FHIT: variants seen among roughly 807,000 people sequenced by gnomAD.
FHIT encodes fragile histidine triad diadenosine triphosphatase, also known as bis(5'-adenosyl)-triphosphatase.
In FHIT, 19 loss-of-function variants were observed where a neutral mutation model predicts 17.9. That is an observed-to-expected ratio of 1.06 (90% CI 0.74 to 1.56). The LOEUF is 1.56. FHIT is among the 40% of genes most tolerant of loss of function. The pLI, the probability that FHIT is intolerant of heterozygous loss-of-function variation, is 0.00. For missense variants in FHIT, 248 were observed against 189.2 expected, an observed-to-expected ratio of 1.31 and a Z score of -1.82; for synonymous variants, 81 against 69.7, an observed-to-expected ratio of 1.16 and a Z score of -0.81.
intron 5 of FHIT, among the ~76,000 whole-genome samples, chr3:60,200,021 C>T (rs139522004): frequency 1.3e-5 from 2 of 152,250 alleles, no homozygotes; most frequent in East Asian, 3.9e-4. Flanking sequence ...AAGGCCTTTA[C>T]TAACCCACTG....
intron 5 of FHIT, among the ~76,000 whole-genome samples, chr3:60,469,509 T>C (rs2032973513): frequency 6.6e-6 from 1 of 152,188 alleles, no homozygotes; most frequent in South Asian, 2.1e-4. Flanking sequence ...TCTTTATATC[T>C]CCCTCTCTTC....
intron 5 of FHIT, among the ~76,000 whole-genome samples, chr3:60,179,443 C>T (rs559558466): frequency 1.1e-4 from 16 of 152,274 alleles, no homozygotes; most frequent in African/African-American, 2.9e-4. Flanking sequence ...CCTTCTGTTT[C>T]CAGTTGTCTG....
chr3:61,085,892 A>G (rs1020828531), intron 2 of FHIT, among the ~76,000 whole-genome samples: 3 of 151,964 alleles, frequency 2.0e-5, no homozygotes, highest in African/African-American at 7.2e-5. Context: ...AACCCTTTTT[A>G]TATGTTGCTG....
intron 3 of FHIT, among the ~76,000 whole-genome samples, chr3:60,989,463 G>A (rs148729182): frequency 2.4e-4 from 36 of 152,108 alleles, no homozygotes; most frequent in Admixed American, 1.4e-3. Flanking sequence ...TTAAGCTCTT[G>A]CTACATATAA....
intron 8 of FHIT, among the ~76,000 whole-genome samples, chr3:59,857,704 G>GGTTTTTTT (rs1425389753): frequency 3.1e-5 from 2 of 65,260 alleles, no homozygotes; most frequent in Non-Finnish European, 5.7e-5. Context: ...CAAAGTGCTG[G>GGTTTTTTT]GTTTTTTTTT....
chr3:60,042,934 G>T (rs139476491), intron 5 of FHIT, among the ~76,000 whole-genome samples: 2 of 152,128 alleles, frequency 1.3e-5, no homozygotes, highest in African/African-American at 2.4e-5. Flanking sequence ...CTGGCTGTTT[G>T]TTACCTTGAT....
At chr3:60,964,427 T>C (rs1553782369) in intron 3 of FHIT, among the ~76,000 whole-genome samples, 1 of 152,206 alleles carries the variant, frequency 6.6e-6, no homozygotes. Flanking sequence ...ATTTAGTCCA[T>C]TTACATTTAA....
intron 7 of FHIT, among the ~76,000 whole-genome samples, chr3:59,928,011 C>A (rs1490455291): frequency 6.6e-6 from 1 of 152,122 alleles, no homozygotes; most frequent in Admixed American, 6.5e-5. Context: ...TAATTCAATT[C>A]TAAGGGATAG....
intron 3 of FHIT, among the ~76,000 whole-genome samples, chr3:60,902,378 GTTTA>G (rs1281340479): frequency 1.3e-5 from 2 of 152,134 alleles, no homozygotes; most frequent in African/African-American, 2.4e-5. Flanking sequence ...ATATACCACA[GTTTA>G]TTTATCCATG....
At chr3:59,957,967 C>A (rs1350657402) in intron 7 of FHIT, among the ~76,000 whole-genome samples, 1 of 152,190 alleles carries the variant, frequency 6.6e-6, no homozygotes, top group Non-Finnish European at 1.5e-5. Flanking sequence ...ATCAACATGT[C>A]CTTGAACACG....
At chr3:60,576,724 T>G (rs1401420991) in intron 4 of FHIT, among the ~76,000 whole-genome samples, 2 of 152,090 alleles carry the variant, frequency 1.3e-5, no homozygotes, top group African/African-American at 4.8e-5. Context: ...CCTGGCACAT[T>G]TCAGAAAGGT....
intron 5 of FHIT, among the ~76,000 whole-genome samples, chr3:60,075,257 G>A (rs566230207): frequency 6.6e-6 from 1 of 152,056 alleles, no homozygotes; most frequent in Non-Finnish European, 1.5e-5. Context: ...AAAGTGGGGA[G>A]CTCCTTTAAA....
At chr3:59,750,649 T>C (rs940971735) in intron 9 of FHIT, 1 of 221,928 alleles carries the variant, frequency 4.5e-6, no homozygotes, top group Non-Finnish European at 9.0e-6. Flanking sequence ...AAATAAGCTT[T>C]CTAGAATGCA....
At chr3:59,750,200 T>A (rs900854685) in intron 9 of FHIT, 1 of 225,928 alleles carries the variant, frequency 4.4e-6, no homozygotes, top group African/African-American at 2.2e-5. Context: ...GGTAATAAGT[T>A]TGAATCTTCT....
chr3:61,115,056 C>G (rs2036260752), intron 2 of FHIT, among the ~76,000 whole-genome samples: 1 of 152,072 alleles, frequency 6.6e-6, no homozygotes. Flanking sequence ...CCCTTTCCAT[C>G]CGGAACAGAT....
intron 4 of FHIT, among the ~76,000 whole-genome samples, chr3:60,607,007 C>T (rs1329439550): frequency 1.3e-5 from 2 of 152,108 alleles, no homozygotes; most frequent in Non-Finnish European, 2.9e-5. Context: ...TGAGAGGCTG[C>T]TCATTCCATT....
At chr3:60,539,502 A>C (rs1257426777) in intron 4 of FHIT, among the ~76,000 whole-genome samples, 1 of 152,240 alleles carries the variant, frequency 6.6e-6, no homozygotes, top group African/African-American at 2.4e-5. Context: ...ACATATGTTT[A>C]TTGCGGCACT....
chr3:60,226,472 C>CCAAAAAAAAAA, intron 5 of FHIT, among the ~76,000 whole-genome samples: 1 of 70,148 alleles, frequency 1.4e-5, no homozygotes, highest in Non-Finnish European at 2.7e-5. Flanking sequence ...AACTCCGTCT[C>CCAAAAAAAAAA]AAAAAAAAAA....
At chr3:60,389,760 T>C (rs958108728) in intron 5 of FHIT, among the ~76,000 whole-genome samples, 5 of 152,218 alleles carry the variant, frequency 3.3e-5, no homozygotes, top group Non-Finnish European at 5.9e-5. Context: ...TTAATCACTG[T>C]CATTTTATTA....
Sources: gnomAD v4.1 joint callset for allele counts (sites outside exome capture counted in the v4.1 genomes callset) on GRCh38, gnomAD v4.1.1 for gene constraint, MANE v1.5 for transcripts, NCBI Gene and HGNC (gene_info 2026-07-23, HGNC 2026-07-21) for gene names.